RNF139: variants seen among roughly 807,000 people sequenced by gnomAD.
The protein encoded by RNF139 is ring finger protein 139, also known as E3 ubiquitin-protein ligase RNF139.
A neutral mutation model predicts 49.5 loss-of-function variants in RNF139; 15 were observed. That is an observed-to-expected ratio of 0.30 (90% CI 0.20 to 0.47). RNF139 has a LOEUF of 0.47. Among genes scored for constraint, RNF139 ranks in the 20% least tolerant of loss-of-function variants. The pLI is 1.00. For synonymous variants in RNF139, 325 were observed against 300.9 expected, an observed-to-expected ratio of 1.08 and a Z score of -0.83; for missense variants, 619 against 806.3, an observed-to-expected ratio of 0.77 and a Z score of 2.81.
chr8:124,475,347 C>G (rs1474231186), intron 1 of RNF139, 57 bp downstream of exon 1: 1 of 1,551,050 alleles, frequency 6.4e-7, no homozygotes, highest in East Asian at 2.4e-5. Context: ...AGACGTTCCC[C>G]GGGGAGCGGG....
intron 1 of RNF139, among the ~76,000 whole-genome samples, chr8:124,482,886 A>G (rs1049517158): frequency 1.4e-5 from 2 of 143,724 alleles, no homozygotes; most frequent in Non-Finnish European, 3.0e-5. Context: ...AGATCACGCC[A>G]TTGCACTCCA....
rs1305630825 is a variant in RNF139 at position 124,488,458 on chromosome 8, GGAATGGT to G, written c.*816_*822del. Reference sequence around the variant, plus strand: ...ATCTGATTTTACGAGAAAAAGAAGGGGAATGGTGGGGAATGGTGTGTACCGATATATA... The same window carrying G: ...ATCTGATTTTACGAGAAAAAGAAGGGGGGGAATGGTGTGTACCGATATATA... On this transcript the variant is annotated 3_prime_UTR_variant, in exon 2 of 2. Coordinates refer to ENST00000303545, the MANE Select transcript of RNF139 (RefSeq NM_007218.4). The G allele has an allele frequency of 2.1e-5, 10 of 481,390 alleles. No individual in the cohort carries two copies. The highest frequency in any genetic ancestry group is 2.2e-5 in the Non-Finnish European group (6 of 268,876). The allele number at this position is 481,390 out of a possible 1,614,324, so 29.8% of individuals were successfully genotyped here.
chr8:124,480,022 A>T (rs1356229251), intron 1 of RNF139, among the ~76,000 whole-genome samples: 1 of 151,964 alleles, frequency 6.6e-6, no homozygotes, highest in Non-Finnish European at 1.5e-5. Flanking sequence ...GTCCTATCTT[A>T]CTCAGGAGGC....
rs1816283833 is a variant in RNF139, at chr8:124,475,030, C to A, written c.-80C>A. ...GCAGGGGCGGAGTTGCCCGCCTTAGCCCCCGCCCCCGGCCGCGGCCCCGGG... is the reference window on the plus strand; with the variant it reads ...GCAGGGGCGGAGTTGCCCGCCTTAGACCCCGCCCCCGGCCGCGGCCCCGGG... On this transcript the variant is annotated 5_prime_UTR_variant, in exon 1 of 2. Coordinates refer to ENST00000303545, the MANE Select transcript of RNF139 (RefSeq NM_007218.4). 3.0e-6 allele frequency: 3 copies of A among 1,002,792 alleles called. No homozygotes were observed. Among genetic ancestry groups the A allele is most frequent in the South Asian group, 9.1e-5 (2 of 22,032 alleles). The allele number at this position is 1,002,792 out of a possible 1,614,324, so 62.1% of individuals were successfully genotyped here.
chr8:124,478,600 T>A (rs1221090804), intron 1 of RNF139, among the ~76,000 whole-genome samples: 2 of 142,506 alleles, frequency 1.4e-5, no homozygotes, highest in African/African-American at 5.2e-5. Flanking sequence ...AGAGCGAGAC[T>A]GTCTCAAAAA....
Position 124,486,474 on chromosome 8 carries a change from C to G in RNF139, c.825C>G (p.Asp275Glu). 6.2e-7 allele frequency: 1 copy of G among 1,614,062 alleles called. No homozygotes were observed. Among genetic ancestry groups the G allele is most frequent in the Non-Finnish European group, 8.5e-7 (1 of 1,179,990 alleles). The stretch of plus-strand genomic sequence containing the variant: ...TTATTTCTTGGGATGATTTTTGGGA[C>G]CTCATTTGCAATCTTATAATTAGTG... ...SFFISWDDFW[D>E]LICNLIISGC... is the part of the protein sequence containing the mutation. Residue 275 changes from aspartate (D) to glutamate (E), a missense_variant, in exon 2 of 2, where the codon GAC (aspartate) becomes GAG (glutamate). Around this residue, in one of 2 missense-constraint regions of RNF139, gnomAD observed 530 missense variants for 728.9 expected, o/e 0.73. Transcript: ENST00000303545.
chr8:124,479,484 G>A lies in RNF139; in HGVS notation c.181+4194G>A, dbSNP rs1482211653. Among the ~76,000 whole-genome samples, 5 of 152,170 alleles carry A rather than the reference G, an allele frequency of 3.3e-5. No homozygotes were observed. The South Asian group carries it at 8.3e-4, about 25-fold the overall frequency. ...TCTGAAGTGAAAAAACAAAGCCGAAGTAATTATCACTGGCAGAGGAATAGA... is the reference window on the plus strand; with the variant it reads ...TCTGAAGTGAAAAAACAAAGCCGAAATAATTATCACTGGCAGAGGAATAGA... On this transcript the variant is annotated intron_variant, in intron 1 of 1. Transcript: ENST00000303545.
chr8:124,482,241 T>TTGGAATTGAG (rs1816426696), intron 1 of RNF139, among the ~76,000 whole-genome samples: 1 of 152,190 alleles, frequency 6.6e-6, no homozygotes, highest in Non-Finnish European at 1.5e-5. Context: ...TAGAAATGTT[T>TTGGAATTGAG]CTAAAACCCA....
In RNF139 at chr8:124,475,040, C is replaced by G. The variant is rs925643346; in HGVS notation, c.-70C>G. On this transcript the variant is annotated 5_prime_UTR_variant, in exon 1 of 2. Transcript: ENST00000303545. ...AGTTGCCCGCCTTAGCCCCCGCCCC[C>G]GGCCGCGGCCCCGGGCCCTGCCCCG... The G allele has an allele frequency of 1.8e-6, 2 of 1,119,662 alleles. No individual in the cohort carries two copies. The allele number at this position is 1,119,662 out of a possible 1,614,324, so 69.4% of individuals were successfully genotyped here.
intron 1 of RNF139, among the ~76,000 whole-genome samples, chr8:124,484,232 T>G (rs1052739175): frequency 6.6e-6 from 1 of 152,092 alleles, no homozygotes; most frequent in African/African-American, 2.4e-5. Context: ...CTGATGTGTG[T>G]GTGTTAGGAG....
rs757774470 is a variant in RNF139 at position 124,487,519 on chromosome 8, G to GA, written c.1872dup (p.Ser625IlefsTer2). ...GGAAGCTGTAAGAGAAGCTGCTGCT[G>GA]AATCTGACAGGGAATTGAACGAAGA... is the stretch of plus-strand genomic sequence containing the variant. On this transcript the variant is annotated frameshift_variant, in exon 2 of 2. Transcript: ENST00000303545. LOFTEE classifies it high-confidence loss of function. 1.2e-6 allele frequency: 2 copies of GA among 1,614,014 alleles called. No individual in the cohort carries two copies. Among genetic ancestry groups the GA allele is most frequent in the Admixed American group, 1.7e-5 (1 of 60,002 alleles).
chr8:124,481,102 C>T (rs1586522786), intron 1 of RNF139, among the ~76,000 whole-genome samples: 2 of 151,944 alleles, frequency 1.3e-5, no homozygotes, highest in South Asian at 2.1e-4. Context: ...CTTAGAATAC[C>T]AGGTTTTTTT....
In RNF139 at chr8:124,475,224, A is replaced by C; in HGVS notation, c.115A>C (p.Asn39His). 6.2e-7 allele frequency: 1 copy of C among 1,613,806 alleles called. No homozygotes were observed. Among genetic ancestry groups the C allele is most frequent in the Non-Finnish European group, 8.5e-7 (1 of 1,179,872 alleles). Reference sequence around the variant, plus strand: ...CCTTTACATCATCGACGCCATCTTCAACTCCTACCCGGATTCCAGCCAAAG... The same window carrying C: ...CCTTTACATCATCGACGCCATCTTCCACTCCTACCCGGATTCCAGCCAAAG... The part of the protein sequence containing the change: ...PCLYIIDAIF[N>H]SYPDSSQSRF... The change falls in exon 1 of 2, where the codon AAC (asparagine) becomes CAC (histidine). Residue 39 changes from asparagine (N) to histidine (H), a missense_variant. Coordinates refer to ENST00000303545, the MANE Select transcript of RNF139 (RefSeq NM_007218.4).
chr8:124,475,061 C>G lies in RNF139; in HGVS notation c.-49C>G. ...CCCCCGGCCGCGGCCCCGGGCCCTG[C>G]CCCGCGCGGCCCTGCCCGGCCCACC... On this transcript the variant is annotated 5_prime_UTR_variant, in exon 1 of 2. Coordinates refer to ENST00000303545, the MANE Select transcript of RNF139 (RefSeq NM_007218.4). 7.5e-7 allele frequency: 1 copy of G among 1,338,276 alleles called. No homozygotes were observed. 82.9% of individuals were successfully genotyped at this position (1,338,276 alleles called of 1,614,324 possible).
At chr8:124,484,487 C>T (rs1370045093) in intron 1 of RNF139, among the ~76,000 whole-genome samples, 1 of 152,042 alleles carries the variant, frequency 6.6e-6, no homozygotes, top group Admixed American at 6.6e-5. Flanking sequence ...AAAGTTTGAG[C>T]ATGTGGGGCT....
intron 1 of RNF139, among the ~76,000 whole-genome samples, chr8:124,482,556 A>G (rs189820548): frequency 6.6e-6 from 1 of 152,182 alleles, no homozygotes; most frequent in East Asian, 1.9e-4. Flanking sequence ...AGAGAATGTA[A>G]GATTACATAT....
intron 1 of RNF139, among the ~76,000 whole-genome samples, chr8:124,484,417 T>C (rs1464714143): frequency 6.6e-6 from 1 of 150,762 alleles, no homozygotes; most frequent in Non-Finnish European, 1.5e-5. Context: ...GACAGACTGA[T>C]TGATTGGTGT....
Position 124,475,078 on chromosome 8 carries a change from C to A in RNF139, c.-32C>A. The A allele has an allele frequency of 2.0e-6, 3 of 1,467,330 alleles. No individual in the cohort carries two copies. Among genetic ancestry groups the A allele is most frequent in the Non-Finnish European group, 2.7e-6 (3 of 1,113,022 alleles). 90.9% of individuals were successfully genotyped at this position (1,467,330 alleles called of 1,614,324 possible). A position where few individuals can be genotyped will look rare whatever the true frequency, so the allele number is the denominator to read the frequency against. ...GGGCCCTGCCCCGCGCGGCCCTGCC[C>A]GGCCCACCGAGCCCTGGTGTGGCAG... is the stretch of plus-strand genomic sequence containing the variant. On this transcript the variant is annotated 5_prime_UTR_variant, in exon 1 of 2. Coordinates refer to ENST00000303545, the MANE Select transcript of RNF139 (RefSeq NM_007218.4).
Position 124,488,516 on chromosome 8 carries a change from A to G in RNF139, c.*872A>G. Reference sequence around the variant, plus strand: ...GTATTTCTTTAGACAACTTGCAGATAATTTCTTTATTGAAACTATCAGGAA... The same window carrying G: ...GTATTTCTTTAGACAACTTGCAGATGATTTCTTTATTGAAACTATCAGGAA... On this transcript the variant is annotated 3_prime_UTR_variant, in exon 2 of 2. Coordinates refer to ENST00000303545, the MANE Select transcript of RNF139 (RefSeq NM_007218.4). 5 of 728,930 alleles carry G rather than the reference A, an allele frequency of 6.9e-6. No homozygotes were observed. The highest frequency in any genetic ancestry group is 1.8e-5 in the African/African-American group (1 of 55,662). The allele number at this position is 728,930 out of a possible 1,614,324, so 45.2% of individuals were successfully genotyped here.
Sources: gnomAD v4.1 joint callset for allele counts (sites outside exome capture counted in the v4.1 genomes callset) on GRCh38, gnomAD v4.1.1 for gene constraint, gnomAD v4.1.1 regional missense constraint, MANE v1.5 for transcripts, NCBI Gene and HGNC (gene_info 2026-07-23, HGNC 2026-07-21) for gene names.